SCARF1: variants seen among roughly 807,000 people sequenced by gnomAD.
SCARF1 encodes acetyl LDL receptor.
In SCARF1, 49 loss-of-function variants were observed where a neutral mutation model predicts 76.3. The ratio of observed to expected loss-of-function variants is 0.64; its 90% confidence interval spans 0.51 to 0.81. SCARF1 has a LOEUF of 0.81. SCARF1 is among the 40% of genes least tolerant of loss of function. The pLI is 0.00. For synonymous variants in SCARF1, 495 were observed against 474.6 expected, an observed-to-expected ratio of 1.04 and a Z score of -0.56; for missense variants, 1,098 against 1,143.9, an observed-to-expected ratio of 0.96 and a Z score of 0.58.
chr17:1,634,563 C>T lies in SCARF1; in HGVS notation c.*195G>A, dbSNP rs932113741. ...GGCAACCCTTCCTGACCCCATCCTA[C>T]AGGGTCTCTGCCCAGGCCTTCCTGG... On this transcript the variant is annotated 3_prime_UTR_variant, in exon 11 of 11. Transcript: ENST00000263071. The T allele has an allele frequency of 6.5e-6, 4 of 611,924 alleles. No individual in the cohort carries two copies. Among genetic ancestry groups the T allele is most frequent in the African/African-American group, 5.6e-5 (3 of 53,324 alleles). The allele number at this position is 611,924 out of a possible 1,614,324, so 37.9% of individuals were successfully genotyped here. A position where few individuals can be genotyped will look rare whatever the true frequency, so the allele number is the denominator to read the frequency against.
In SCARF1 at chr17:1,643,588, C is replaced by G; in HGVS notation, c.645G>C (p.Trp215Cys). ...CGCACTGCTGCTGGCATTCGGGACC[C>G]CACCAGCCCGGCCGGCAGGCGCAGC... ...SGRCACRPGW[W>C]GPECQQQCEC... The change falls in exon 4 of 11, where the codon TGG (tryptophan) becomes TGC (cysteine). Residue 215 changes from tryptophan to cysteine, a missense_variant. Trp to Cys is a radical substitution (Grantham distance 215, BLOSUM62 -2). Transcript: ENST00000263071. 1 of 1,474,242 alleles carries G rather than the reference C, an allele frequency of 6.8e-7. No homozygotes were observed. The highest frequency in any genetic ancestry group is 8.9e-7 in the Non-Finnish European group (1 of 1,120,454). The allele number at this position is 1,474,242 out of a possible 1,614,324, so 91.3% of individuals were successfully genotyped here.
Position 1,644,507 on chromosome 17 carries a change from C to A in SCARF1, c.265+327G>T. On this transcript the variant is annotated intron_variant, in intron 3 of 10. Coordinates refer to ENST00000263071, the MANE Select transcript of SCARF1 (RefSeq NM_003693.4). The surrounding 1 kb of genome is among the most constrained non-coding windows in gnomAD (Gnocchi z 4.8). ...GCCCAGCCAGGGGCCCCCTTCCATCCACTGCCCATGTATAAGGTATATGTG... is the reference window on the plus strand; with the variant it reads ...GCCCAGCCAGGGGCCCCCTTCCATCAACTGCCCATGTATAAGGTATATGTG... 1 of 405,790 alleles carries A rather than the reference C, an allele frequency of 2.5e-6. No homozygotes were observed. Among genetic ancestry groups the A allele is most frequent in the Non-Finnish European group, 4.5e-6 (1 of 224,584 alleles). 25.1% of individuals were successfully genotyped at this position (405,790 alleles called of 1,614,324 possible).
At chr17:1,635,869 G>T (rs1031145347) in intron 10 of SCARF1, among the ~76,000 whole-genome samples, 1 of 150,314 alleles carries the variant, frequency 6.7e-6, no homozygotes, top group African/African-American at 2.5e-5. Context: ...CAGTCCTCCC[G>T]CCTCAGCCTC....
At chr17:1,638,524 G>A (rs1567662929) in intron 8 of SCARF1, 1 of 277,814 alleles carries the variant, frequency 3.6e-6, no homozygotes, top group East Asian at 5.6e-5. Context: ...GAAGGCTTCC[G>A]AGGAGGGCAG....
chr17:1,640,395 C>A lies in SCARF1; in HGVS notation c.1010+53G>T. 1 of 1,475,462 alleles carries A rather than the reference C, an allele frequency of 6.8e-7. No homozygotes were observed. The highest frequency in any genetic ancestry group is 9.2e-7 in the Non-Finnish European group (1 of 1,084,300). The allele number at this position is 1,475,462 out of a possible 1,614,324, so 91.4% of individuals were successfully genotyped here. A position where few individuals can be genotyped will look rare whatever the true frequency, so the allele number is the denominator to read the frequency against. On this transcript the variant is annotated intron_variant, in intron 5 of 10. Coordinates refer to ENST00000263071, the MANE Select transcript of SCARF1 (RefSeq NM_003693.4). The surrounding 1 kb of genome is among the most constrained non-coding windows in gnomAD (Gnocchi z 4.7). ...GGTGCTCTCGGAGAGAGCCGCTGAG[C>A]TGAGGGTCCTGGGGGAAGGTGTACC...
chr17:1,644,884 G>A lies in SCARF1; in HGVS notation c.215C>T (p.Pro72Leu), dbSNP rs764287651. 5 of 1,613,502 alleles carry A rather than the reference G, an allele frequency of 3.1e-6. No individual in the cohort carries two copies. Among genetic ancestry groups the A allele is most frequent in the South Asian group, 2.2e-5 (2 of 91,030 alleles). Residue 72 changes from proline (P) to leucine (L), a missense_variant, in exon 3 of 11, where the codon CCG becomes CTG. Coordinates refer to ENST00000263071, the MANE Select transcript of SCARF1 (RefSeq NM_003693.4). The surrounding 1 kb of genome is among the most constrained non-coding windows in gnomAD (Gnocchi z 4.8). ...TCCAGGCTTGCATCGACAGAGGCCC[G>A]GCTTCACACACACCTCGTCTTTCTG... ...ACQKDEVCVK[P>L]GLCRCKPGFF...
At chr17:1,643,068 C>T (rs1391007788) in intron 4 of SCARF1, among the ~76,000 whole-genome samples, 1 of 152,054 alleles carries the variant, frequency 6.6e-6, no homozygotes, top group Non-Finnish European at 1.5e-5. Context: ...AAGCCCTGAC[C>T]CCTCCTCCCG....
At chr17:1,643,370 G>GCCCCGCCCCGCCTGCTCACTTGTGTCCGC in intron 4 of SCARF1, 72 bp downstream of exon 4, 1 of 80,342 alleles carries the variant, frequency 1.2e-5, no homozygotes, top group Non-Finnish European at 2.1e-5. Flanking sequence ...CCCTGTCTCC[G>GCCCCGCCCCGCCTGCTCACTTGTGTCCGC]CCCCGCCCCG....
In SCARF1 at chr17:1,644,591, G is replaced by A; in HGVS notation, c.265+243C>T. ...AGGGGAATCACAGGTTTTCTGAGAA[G>A]TGGAAGAGGAAGATGCTCAGGTGGG... is the stretch of plus-strand genomic sequence containing the variant. On this transcript the variant is annotated intron_variant, in intron 3 of 10. Coordinates refer to ENST00000263071, the MANE Select transcript of SCARF1 (RefSeq NM_003693.4). This position sits in a 1 kb window ranked among gnomAD's most constrained non-coding sequence, Gnocchi z 4.8. 3 of 592,174 alleles carry A rather than the reference G, an allele frequency of 5.1e-6. No homozygotes were observed. The highest frequency in any genetic ancestry group is 9.0e-6 in the Non-Finnish European group (3 of 331,868). 36.7% of individuals were successfully genotyped at this position (592,174 alleles called of 1,614,324 possible).
At chr17:1,636,470 G>A (rs984859795) in intron 10 of SCARF1, among the ~76,000 whole-genome samples, 35 of 152,148 alleles carry the variant, frequency 2.3e-4, no homozygotes, top group Middle Eastern at 3.2e-3. Flanking sequence ...AAAATTAGCC[G>A]TGTGTGGTGG....
Position 1,645,017 on chromosome 17 carries a change from T to C in SCARF1, c.164-82A>G. The stretch of plus-strand genomic sequence containing the variant: ...GCCCTCTCACTGGCTCCAGGGGCCA[T>C]GCCTCCTCAAGAGGTGCCCCTTCAG... On this transcript the variant is annotated intron_variant, in intron 2 of 10. Coordinates refer to ENST00000263071, the MANE Select transcript of SCARF1 (RefSeq NM_003693.4). This position sits in a 1 kb window ranked among gnomAD's most constrained non-coding sequence, Gnocchi z 6.3. 6.5e-7 allele frequency: 1 copy of C among 1,541,610 alleles called. No individual in the cohort carries two copies. The highest frequency in any genetic ancestry group is 8.9e-7 in the Non-Finnish European group (1 of 1,127,806).
rs779313381 is a variant in SCARF1, at chr17:1,644,788, C to T, written c.265+46G>A. On this transcript the variant is annotated intron_variant, in intron 3 of 10. Transcript: ENST00000263071. This position sits in a 1 kb window ranked among gnomAD's most constrained non-coding sequence, Gnocchi z 4.8. ...TCGCCTGCTCCCACACCACTGCCCC[C>T]GTACCCAGCTCTGCCCAGCAACTTC... 10 of 1,565,070 alleles carry T rather than the reference C, an allele frequency of 6.4e-6. No homozygotes were observed. The South Asian group carries it at 9.2e-5, about 14-fold the overall frequency.
chr17:1,636,140 G>C (rs1010786659), intron 10 of SCARF1, among the ~76,000 whole-genome samples: 1 of 152,026 alleles, frequency 6.6e-6, no homozygotes, highest in African/African-American at 2.4e-5. Flanking sequence ...CACACACATC[G>C]TCCCTGACCC....
In SCARF1 at chr17:1,644,191, C is replaced by G. The variant is rs1910332717; in HGVS notation, c.266-224G>C. ...TAGTGGGAGGCTCAGCCTGCCACTT[C>G]ACATTCCAGAACACACTCAGAGATC... On this transcript the variant is annotated intron_variant, in intron 3 of 10. Coordinates refer to ENST00000263071, the MANE Select transcript of SCARF1 (RefSeq NM_003693.4). This position sits in a 1 kb window ranked among gnomAD's most constrained non-coding sequence, Gnocchi z 4.8. The G allele has an allele frequency of 2.5e-6, 1 of 398,546 alleles. No individual in the cohort carries two copies. Among genetic ancestry groups the G allele is most frequent in the East Asian group, 3.6e-5 (1 of 27,502 alleles). 24.7% of individuals were successfully genotyped at this position (398,546 alleles called of 1,614,324 possible).
rs1220878562 is a variant in SCARF1, at chr17:1,633,919, CT to C, written c.*838del. Reference sequence around the variant, plus strand: ...ACAAAGATCATTGCTTTTTATTATACTTTATCAAATTCAATCTAGTAACAAA... The same window carrying C: ...ACAAAGATCATTGCTTTTTATTATACTTATCAAATTCAATCTAGTAACAAA... On this transcript the variant is annotated 3_prime_UTR_variant, in exon 11 of 11. Coordinates refer to ENST00000263071, the MANE Select transcript of SCARF1 (RefSeq NM_003693.4). The C allele has an allele frequency of 2.0e-5, 3 of 152,186 alleles. No homozygotes were observed. The highest frequency in any genetic ancestry group is 2.0e-4 in the Admixed American group (3 of 15,276). 9.4% of individuals were successfully genotyped at this position (152,186 alleles called of 1,614,324 possible). A position where few individuals can be genotyped will look rare whatever the true frequency, so the allele number is the denominator to read the frequency against.
At position 1,637,327 on chromosome 17, in the gene SCARF1, CCTATCTATCTATCTATCTAT is replaced by C. The variant is rs72522019; in HGVS notation, c.1365-285_1365-266del. 2.0e-3 allele frequency among the ~76,000 whole-genome samples: 217 copies of C among 111,200 alleles called. 1 individual carries two copies. Among genetic ancestry groups the C allele is most frequent in the African/African-American group, 8.2e-3 (205 of 24,990 alleles). The allele number at this position is 111,200 out of a possible 152,430, so 73.0% of individuals were successfully genotyped here. A position where few individuals can be genotyped will look rare whatever the true frequency, so the allele number is the denominator to read the frequency against. ...CAGTTTCCGCATCTGTAAAACAGAT[CCTATCTATCTATCTATCTAT>C]CTATCTATCTATCTATCTATCTATA... On this transcript the variant is annotated intron_variant, in intron 8 of 10. Transcript: ENST00000263071.
Position 1,634,997 on chromosome 17 carries a change from G to C in SCARF1, c.2254C>G (p.Gln752Glu). 6.2e-7 allele frequency: 1 copy of C among 1,613,884 alleles called. No homozygotes were observed. ...SPGLASGSVG[Q>E]SPNSAPKAGL... ...GCTTTTGGGGCTGAGTTGGGGCTCT[G>C]GCCGACAGAGCCAGAGGCAAGGCCA... Residue 752 changes from glutamine (Q) to glutamate (E), a missense_variant, in exon 11 of 11, where the codon CAG becomes GAG. Transcript: ENST00000263071.
At position 1,640,558 on chromosome 17, in the gene SCARF1, G is replaced by A; in HGVS notation, c.900C>T (p.Gly300=). Residue 300 remains glycine (G), a synonymous_variant, in exon 5 of 11, where the codon GGC becomes GGT. Coordinates refer to ENST00000263071, the MANE Select transcript of SCARF1 (RefSeq NM_003693.4). This position sits in a 1 kb window ranked among gnomAD's most constrained non-coding sequence, Gnocchi z 4.7. ...GTQCQQPCLP[G]TFGESCEQQC... ...GCTGTTCGCAGCTCTCGCCAAAGGT[G>A]CCAGGCAGGCAGGGCTGCTGGCACT... The A allele has an allele frequency of 6.2e-7, 1 of 1,609,858 alleles. No individual in the cohort carries two copies.
In SCARF1 at chr17:1,645,535, C is replaced by G. The variant is rs774727942; in HGVS notation, c.101+62G>C. ...CGGCCTCAACACCGGTTCAGCCACCCGCATCAGACTCCCACGAGACCCACC... is the reference window on the plus strand; with the variant it reads ...CGGCCTCAACACCGGTTCAGCCACCGGCATCAGACTCCCACGAGACCCACC... On this transcript the variant is annotated intron_variant, in intron 1 of 10. Coordinates refer to ENST00000263071, the MANE Select transcript of SCARF1 (RefSeq NM_003693.4). This position sits in a 1 kb window ranked among gnomAD's most constrained non-coding sequence, Gnocchi z 6.3. 3.8e-6 allele frequency: 6 copies of G among 1,561,936 alleles called. No homozygotes were observed. Among genetic ancestry groups the G allele is most frequent in the Non-Finnish European group, 5.2e-6 (6 of 1,160,220 alleles).
Sources: gnomAD v4.1 joint callset for allele counts (sites outside exome capture counted in the v4.1 genomes callset) on GRCh38, gnomAD v4.1.1 for gene constraint, Gnocchi (gnomAD v3.1) non-coding constraint, MANE v1.5 for transcripts, NCBI Gene and HGNC (gene_info 2026-07-23, HGNC 2026-07-21) for gene names.